Variants in CGNL1 observed in about 807,000 individuals in gnomAD.
CGNL1 encodes cingulin-like protein 1.
CGNL1 carries 132 observed loss-of-function variants against 141.2 expected under a neutral mutation model. The ratio of observed to expected loss-of-function variants is 0.93; its 90% CI spans 0.81 to 1.08. The LOEUF (loss-of-function observed/expected upper bound fraction) is 1.08, where lower values mean the gene tolerates loss of function less well. CGNL1 is among the 50% of genes least tolerant of loss of function. CGNL1 has a pLI of 0.00. For synonymous variants in CGNL1, 690 were observed against 622.1 expected (o/e 1.11, Z -1.63); for missense variants, 1,870 against 1,588.6 (o/e 1.18, Z -3.01).
chr15:57,534,296 T>C (rs2032128597), intron 14 of CGNL1, among the ~76,000 whole-genome samples: 1 of 152,182 alleles, frequency 6.6e-6, no homozygotes, highest in Non-Finnish European at 1.5e-5. Flanking sequence ...TTGTTATAAG[T>C]GGAGAAATTG....
intron 14 of CGNL1, among the ~76,000 whole-genome samples, chr15:57,541,808 G>A (rs11071332): frequency 0.76 from 115,639 of 152,146 alleles, 44,062 homozygotes; most frequent in African/African-American, 0.8. Context: ...GTAGGCCTCA[G>A]TTTCCTCTGC....
At chr15:57,506,864 A>T (rs1366192544) in intron 8 of CGNL1, among the ~76,000 whole-genome samples, 1 of 152,234 alleles carries the variant, frequency 6.6e-6, no homozygotes, top group Non-Finnish European at 1.5e-5. Context: ...AAGAACAAGC[A>T]GGACCAATTC....
chr15:57,453,868 A>G, intron 7 of CGNL1, 50 bp downstream of exon 7: 1 of 1,605,774 alleles, frequency 6.2e-7, no homozygotes, highest in Non-Finnish European at 8.5e-7. Flanking sequence ...ACCTGCCTGG[A>G]AAGATGGAGT....
At chr15:57,444,525 T>G (rs1251218359) in intron 4 of CGNL1, among the ~76,000 whole-genome samples, 2 of 152,148 alleles carry the variant, frequency 1.3e-5, no homozygotes, top group Non-Finnish European at 1.5e-5. Context: ...GTGAGCGCAG[T>G]CTTTGGCCTT....
intron 8 of CGNL1, among the ~76,000 whole-genome samples, chr15:57,506,118 T>A (rs1238657307): frequency 1.3e-5 from 2 of 152,222 alleles, no homozygotes; most frequent in African/African-American, 2.4e-5. Flanking sequence ...TGATTTGTAA[T>A]CATTTGTAAA....
intron 8 of CGNL1, among the ~76,000 whole-genome samples, chr15:57,500,108 T>G (rs927035928): frequency 6.6e-6 from 1 of 151,684 alleles, no homozygotes; most frequent in Non-Finnish European, 1.5e-5. Context: ...GTGTGGGGAG[T>G]GGGAATGGGG....
intron 1 of CGNL1, among the ~76,000 whole-genome samples, chr15:57,395,958 A>G (rs2062597620): frequency 6.6e-6 from 1 of 152,190 alleles, no homozygotes; most frequent in South Asian, 2.1e-4. Context: ...AAAGTTGCCT[A>G]CTATTCTATC....
At chr15:57,408,009 A>C (rs1353127809) in intron 1 of CGNL1, among the ~76,000 whole-genome samples, 2 of 152,070 alleles carry the variant, frequency 1.3e-5, no homozygotes, top group African/African-American at 4.8e-5. Context: ...TCAGCCTCCC[A>C]AAGTGCTGGC....
chr15:57,502,254 T>C (rs2934446), intron 8 of CGNL1, among the ~76,000 whole-genome samples: 143,720 of 152,212 alleles, frequency 0.94, 68,392 homozygotes, highest in Non-Finnish European at 1. Context: ...CCATCCTCAG[T>C]TGGTCTCAGT....
At chr15:57,407,423 G>A (rs2062735815) in intron 1 of CGNL1, 1 of 152,132 alleles carries the variant, frequency 6.6e-6, no homozygotes. Context: ...CACTTTGGAA[G>A]GATTCCCTCA....
intron 8 of CGNL1, among the ~76,000 whole-genome samples, chr15:57,484,975 C>T (rs1357347632): frequency 5.6e-5 from 8 of 142,768 alleles, no homozygotes; most frequent in Non-Finnish European, 1.1e-4. Context: ...GATTTCTGTT[C>T]TTTATTATTT....
intron 8 of CGNL1, among the ~76,000 whole-genome samples, chr15:57,469,350 C>A (rs2063551111): frequency 6.6e-6 from 1 of 150,808 alleles, no homozygotes; most frequent in South Asian, 2.2e-4. Context: ...GAGTGAGGAG[C>A]AGGGCTGCCC....
intron 1 of CGNL1, among the ~76,000 whole-genome samples, chr15:57,408,216 C>T (rs1196949988): frequency 2.6e-5 from 4 of 152,058 alleles, no homozygotes; most frequent in Admixed American, 1.3e-4. Context: ...TTCCCACAAG[C>T]AGCTGAAGGC....
At chr15:57,533,105 T>C (rs2032046387) in intron 14 of CGNL1, among the ~76,000 whole-genome samples, 1 of 152,166 alleles carries the variant, frequency 6.6e-6, no homozygotes, top group Non-Finnish European at 1.5e-5. Flanking sequence ...TCCCTGTTGA[T>C]AGATTTCTTT....
At chr15:57,473,899 C>CTTTTTT (rs59761174) in intron 8 of CGNL1, among the ~76,000 whole-genome samples, 44 of 70,680 alleles carry the variant, frequency 6.2e-4, no homozygotes, top group East Asian at 9.0e-4. Context: ...TCTTCTTCTT[C>CTTTTTT]TTTTTTTTTT....
chr15:57,441,543 A>C (rs542596510), intron 3 of CGNL1, among the ~76,000 whole-genome samples: 1 of 152,080 alleles, frequency 6.6e-6, no homozygotes, highest in African/African-American at 2.4e-5. Flanking sequence ...TAATTTTTGT[A>C]TTTTTAGTAG....
chr15:57,407,145 A>G (rs1320761616), intron 1 of CGNL1: 5 of 152,214 alleles, frequency 3.3e-5, no homozygotes, highest in African/African-American at 1.2e-4. Context: ...AAGAATTTCA[A>G]GACCTTCCGT....
At chr15:57,402,268 G>A (rs2062668788) in intron 1 of CGNL1, among the ~76,000 whole-genome samples, 2 of 152,300 alleles carry the variant, frequency 1.3e-5, no homozygotes, top group Middle Eastern at 6.8e-3. Flanking sequence ...CACCTCTGTT[G>A]CTCCTGCTCT....
At chr15:57,503,236 T>C (rs554770831) in intron 8 of CGNL1, among the ~76,000 whole-genome samples, 1 of 152,348 alleles carries the variant, frequency 6.6e-6, no homozygotes, top group South Asian at 2.1e-4. Context: ...GCCTTCCTCC[T>C]ACTCCTGATG....
Sources: gnomAD v4.1 joint callset for allele counts (sites outside exome capture counted in the v4.1 genomes callset) on GRCh38, gnomAD v4.1.1 for gene constraint, MANE v1.5 for transcripts, NCBI Gene and HGNC (gene_info 2026-07-23, HGNC 2026-07-21) for gene names.